The following EIF4A3 variants were observed in gnomAD, a reference collection of about 807,000 sequenced individuals.
EIF4A3 encodes the protein eukaryotic translation initiation factor 4A3.
Under a neutral mutation model 55.6 loss-of-function variants are expected in EIF4A3, and 1 was observed. The ratio of observed to expected loss-of-function variants is 0.02; its 90% CI spans 0.01 to 0.09. The LOEUF is 0.09. Among genes scored for constraint, EIF4A3 ranks in the 10% least tolerant of loss-of-function variants. The pLI, the probability that EIF4A3 is intolerant of heterozygous loss-of-function variation, is 1.00. For synonymous variants in EIF4A3, 194 were observed against 196.3 expected, an observed-to-expected ratio of 0.99 and a Z score of 0.10; for missense variants, 221 against 540.7, an observed-to-expected ratio of 0.41 and a Z score of 5.86.
At chr17:80,138,962 T>C in intron 7 of EIF4A3, 59 bp downstream of exon 7, 6 of 1,594,644 alleles carry the variant, frequency 3.8e-6, no homozygotes, top group Non-Finnish European at 5.1e-6. Context: ...AATTACGACA[T>C]AAAATCCTTT....
intron 2 of EIF4A3, 111 bp downstream of exon 2, chr17:80,144,061 G>C (rs1387978079): frequency 9.9e-7 from 1 of 1,014,444 alleles, no homozygotes; most frequent in Non-Finnish European, 1.6e-6. Flanking sequence ...CAGGGAAAGT[G>C]TTGGAACTGA....
rs1344224434 is a variant in EIF4A3, at chr17:80,134,839, A to C, written c.*651T>G. On this transcript the variant is annotated 3_prime_UTR_variant, in exon 12 of 12. Coordinates refer to ENST00000649764, the MANE Select transcript of EIF4A3 (RefSeq NM_014740.4). ...ACTCATCAACGATGAAACTCTTTCC[A>C]AAAAAAAAGATTAGAAAAGTGAGTG... is the stretch of plus-strand genomic sequence containing the variant. Among the ~76,000 whole-genome samples, 36 of 151,316 alleles carry C rather than the reference A, an allele frequency of 2.4e-4. No homozygotes were observed. Among genetic ancestry groups the C allele is most frequent in the Admixed American group, 2.4e-3 (36 of 15,140 alleles).
At chr17:80,137,823 C>T (rs1488121076) in intron 8 of EIF4A3, among the ~76,000 whole-genome samples, 5 of 152,050 alleles carry the variant, frequency 3.3e-5, no homozygotes, top group African/African-American at 9.6e-5. Flanking sequence ...GGAAAGTGGC[C>T]GACAGTTCTC....
Position 80,135,628 on chromosome 17 carries a change from G to C in EIF4A3, c.1220-122C>G, listed in dbSNP as rs1282635592. ...AACAAAAAACAGGCCAGACATAGTG[G>C]CTCACGCCTGTAATCCCAGCACTTT... On this transcript the variant is annotated intron_variant, in intron 11 of 11. Coordinates refer to ENST00000649764, the MANE Select transcript of EIF4A3 (RefSeq NM_014740.4). 3 of 850,162 alleles carry C rather than the reference G, an allele frequency of 3.5e-6. No homozygotes were observed. The East Asian group carries it at 8.0e-5, about 23-fold the overall frequency. The allele number at this position is 850,162 out of a possible 1,614,324, so 52.7% of individuals were successfully genotyped here.
At chr17:80,145,317 C>G (rs921250762) in intron 1 of EIF4A3, among the ~76,000 whole-genome samples, 45 of 152,196 alleles carry the variant, frequency 3.0e-4, no homozygotes, top group African/African-American at 1.0e-3. Flanking sequence ...GTAATGCCAT[C>G]ACTTTGGGAG....
At chr17:80,141,968 A>T in intron 2 of EIF4A3, 120 bp from the exon 3 acceptor site, 2 of 712,880 alleles carry the variant, frequency 2.8e-6, no homozygotes, top group Non-Finnish European at 4.9e-6. Flanking sequence ...CCCGTACCTA[A>T]TAACATCTTA....
chr17:80,136,752 G>A (rs1319165969), intron 9 of EIF4A3: 2 of 162,366 alleles, frequency 1.2e-5, no homozygotes, highest in Non-Finnish European at 2.6e-5. Flanking sequence ...GATCACCTGA[G>A]GTCAGGAGTT....
intron 9 of EIF4A3, 172 bp downstream of exon 9, chr17:80,137,209 GAGCAC>G: frequency 1.9e-6 from 1 of 515,450 alleles, no homozygotes. Context: ...AGTATTACAG[GAGCAC>G]AGCGGACCCC....
intron 3 of EIF4A3, 26 bp downstream of exon 3, chr17:80,141,756 A>G: frequency 6.3e-7 from 1 of 1,589,516 alleles, no homozygotes; most frequent in Non-Finnish European, 8.6e-7. Context: ...ATTACATAAC[A>G]GTTTGTTTTA....
chr17:80,139,461 T>C (rs1057269533), intron 6 of EIF4A3: 25 of 622,718 alleles, frequency 4.0e-5, no homozygotes, highest in Middle Eastern at 4.3e-4. Context: ...TAAAAAGCAA[T>C]AGAGGCTGGC....
intron 8 of EIF4A3, 90 bp downstream of exon 8, chr17:80,138,052 G>A (rs2039587460): frequency 1.3e-6 from 2 of 1,497,558 alleles, no homozygotes; most frequent in Admixed American, 3.7e-5. Flanking sequence ...GGACAAACTG[G>A]CCCTTTACTG....
At chr17:80,139,308 C>A in intron 6 of EIF4A3, 146 bp from the exon 7 acceptor site, 1 of 1,052,338 alleles carries the variant, frequency 9.5e-7, no homozygotes, top group East Asian at 2.6e-5. Flanking sequence ...AGCACCAGGC[C>A]ACATCCACGC....
At chr17:80,135,577 C>T (rs1598602674) in intron 11 of EIF4A3, 71 bp from the exon 12 acceptor site, 2 of 1,387,246 alleles carry the variant, frequency 1.4e-6, no homozygotes, top group African/African-American at 2.9e-5. Context: ...GTAAATTTAA[C>T]TAAAACCTCA....
chr17:80,139,431 C>T (rs1332428275), intron 6 of EIF4A3: 8 of 608,096 alleles, frequency 1.3e-5, no homozygotes, highest in South Asian at 6.6e-5. Flanking sequence ...AAACCCACCC[C>T]GAGAGTCCTA....
chr17:80,140,313 C>CTTTTT (rs34707524), intron 4 of EIF4A3, 173 bp from the exon 5 acceptor site: 2 of 419,796 alleles, frequency 4.8e-6, no homozygotes, highest in East Asian at 5.9e-5. Flanking sequence ...GTTAATTTTG[C>CTTTTT]TTTTTTTTTT....
At chr17:80,144,104 G>A in intron 2 of EIF4A3, 68 bp downstream of exon 2, 1 of 1,435,572 alleles carries the variant, frequency 7.0e-7, no homozygotes. Flanking sequence ...AGTCATCCCA[G>A]AGCATCTAAC....
Position 80,141,201 on chromosome 17 carries a change from A to G in EIF4A3, c.372+118T>C, listed in dbSNP as rs532372668. The G allele has an allele frequency of 7.3e-6, 8 of 1,093,818 alleles. No homozygotes were observed. In the Admixed American group the frequency reaches 1.2e-4, roughly 16 times the overall value. The allele number at this position is 1,093,818 out of a possible 1,614,324, so 67.8% of individuals were successfully genotyped here. A position where few individuals can be genotyped will look rare whatever the true frequency, so the allele number is the denominator to read the frequency against. The stretch of plus-strand genomic sequence containing the variant: ...GATTAATGGCAAAATGTTAATCAGG[A>G]AGAAAATTTTGAGGTATCAGAAAAC... On this transcript the variant is annotated intron_variant, in intron 4 of 11. Transcript: ENST00000649764.
intron 1 of EIF4A3, among the ~76,000 whole-genome samples, chr17:80,146,241 C>G (rs1462638132): frequency 9.6e-6 from 1 of 104,570 alleles, no homozygotes; most frequent in African/African-American, 3.3e-5. Context: ...GCTCTTCCCT[C>G]TTCTCATAAC....
chr17:80,144,209 T>C lies in EIF4A3; in HGVS notation c.205A>G (p.Ile69Val), dbSNP rs1195385120. The C allele has an allele frequency of 6.2e-7, 1 of 1,614,016 alleles. No homozygotes were observed. Among genetic ancestry groups the C allele is most frequent in the Admixed American group, 1.7e-5 (1 of 59,992 alleles). ...TCTCTCCCTTTGATGATCTGCTTGATTGCTCGTTGCTGGATTGCTGATGGT... is the reference window on the plus strand; with the variant it reads ...TCTCTCCCTTTGATGATCTGCTTGACTGCTCGTTGCTGGATTGCTGATGGT... ...EKPSAIQQRA[I>V]KQIIKGRDVI... Residue 69 changes from isoleucine to valine, a missense_variant, in exon 2 of 12, where the codon ATC (isoleucine) becomes GTC (valine). Physicochemically the swap from Ile to Val is conservative, Grantham distance 29. This residue lies in a region of EIF4A3 where 85 missense variants were observed against 205.8 expected (regional missense o/e 0.41). Coordinates refer to ENST00000649764, the MANE Select transcript of EIF4A3 (RefSeq NM_014740.4).
Sources: allele counts gnomAD v4.1 joint callset (sites outside exome capture counted in the v4.1 genomes callset), GRCh38; gene constraint gnomAD v4.1.1; regional missense constraint gnomAD v4.1.1; transcripts MANE v1.5; gene names NCBI Gene and HGNC (gene_info 2026-07-23, HGNC 2026-07-21).